Variants in PPARD observed in about 807,000 individuals in gnomAD.
PPARD encodes peroxisome proliferator activated receptor delta, also known as peroxisome proliferator-activated receptor delta.
A neutral mutation model predicts 39.5 loss-of-function variants in PPARD; 6 were observed. That is an observed-to-expected ratio of 0.15 (90% CI 0.08 to 0.30). The LOEUF (loss-of-function observed/expected upper bound fraction) is 0.30. Ranked by LOEUF, PPARD falls within the 10% of genes least tolerant of loss-of-function variation. The pLI is 1.00. For missense variants in PPARD, 397 were observed against 596.8 expected (o/e 0.67, Z 3.49); for synonymous variants, 210 against 231.3 (o/e 0.91, Z 0.83).
chr6:35,411,267 T>A, intron 3 of PPARD, 50 bp downstream of exon 3: 1 of 1,395,630 alleles, frequency 7.2e-7, no homozygotes, highest in Non-Finnish European at 9.4e-7. Flanking sequence ...CACAGCCCAG[T>A]GCAGTGGGGA....
At chr6:35,343,241 T>C (rs1267151560) in intron 1 of PPARD, among the ~76,000 whole-genome samples, 2 of 152,124 alleles carry the variant, frequency 1.3e-5, no homozygotes, top group Non-Finnish European at 2.9e-5. Context: ...CCTTCTTATC[T>C]GTGGTCTGAT....
intron 2 of PPARD, among the ~76,000 whole-genome samples, chr6:35,381,113 C>T (rs1474925529): frequency 6.6e-6 from 1 of 152,052 alleles, no homozygotes; most frequent in East Asian, 1.9e-4. Context: ...CTCTGTCCCT[C>T]ATCTTCTTTT....
intron 2 of PPARD, among the ~76,000 whole-genome samples, chr6:35,380,616 C>G (rs1250571181): frequency 1.3e-5 from 2 of 151,540 alleles, no homozygotes; most frequent in African/African-American, 2.4e-5. Context: ...CTCAGCCTCC[C>G]GAGTAGCTGG....
chr6:35,354,251 A>C (rs918718772), intron 2 of PPARD, among the ~76,000 whole-genome samples: 2 of 151,054 alleles, frequency 1.3e-5, no homozygotes, highest in Non-Finnish European at 3.0e-5. Context: ...AAAAAAAAAA[A>C]AAGCGATACA....
At chr6:35,353,050 G>A (rs1490160439) in intron 2 of PPARD, among the ~76,000 whole-genome samples, 2 of 152,220 alleles carry the variant, frequency 1.3e-5, no homozygotes, top group African/African-American at 4.8e-5. Flanking sequence ...CCTTATGTGA[G>A]GTAATGTGGT....
At chr6:35,355,552 TAA>T (rs1171537260) in intron 2 of PPARD, among the ~76,000 whole-genome samples, 2,200 of 59,378 alleles carry the variant, frequency 0.037, 88 homozygotes, top group African/African-American at 0.093. Context: ...GCCCTGTCTG[TAA>T]AAAAAAAAAA....
At chr6:35,378,676 G>C (rs924146046) in intron 2 of PPARD, among the ~76,000 whole-genome samples, 13 of 152,280 alleles carry the variant, frequency 8.5e-5, no homozygotes, top group Middle Eastern at 6.8e-3. Flanking sequence ...GTTGCTTTAG[G>C]AGTAGGTGAC....
chr6:35,425,302 T>C lies in PPARD; in HGVS notation c.1078+523T>C. 9.9e-7 allele frequency: 1 copy of C among 1,005,956 alleles called. No homozygotes were observed. The highest frequency in any genetic ancestry group is 1.2e-6 in the Non-Finnish European group (1 of 841,592). The allele number at this position is 1,005,956 out of a possible 1,614,324, so 62.3% of individuals were successfully genotyped here. A position where few individuals can be genotyped will look rare whatever the true frequency, so the allele number is the denominator to read the frequency against. ...AAAAAGGAAAAGGACTAACAGGCAG[T>C]ATGCTGTCATGTTAATGTGGGGTGG... On this transcript the variant is annotated intron_variant, in intron 7 of 7. Transcript: ENST00000360694. The surrounding 1 kb of genome is among the most constrained non-coding windows in gnomAD (Gnocchi z 4.5).
chr6:35,414,021 G>A (rs1268007991), intron 3 of PPARD, among the ~76,000 whole-genome samples: 3 of 152,012 alleles, frequency 2.0e-5, no homozygotes, highest in Non-Finnish European at 4.4e-5. Context: ...TTCTAGGAAC[G>A]TGTCCTGTGT....
rs536772300 is a variant in PPARD at position 35,404,180 on chromosome 6, A to C, written c.-101-6807A>C. Among the ~76,000 whole-genome samples, 24 of 152,314 alleles carry C rather than the reference A, an allele frequency of 1.6e-4. No homozygotes were observed. The East Asian group carries it at 4.6e-3, about 29-fold the overall frequency. Reference sequence around the variant, plus strand: ...TATGAGGCACACAGTAGAGTGGCTAAGACTTGAGCCAACCTGCCTTGACTC... The same window carrying C: ...TATGAGGCACACAGTAGAGTGGCTACGACTTGAGCCAACCTGCCTTGACTC... On this transcript the variant is annotated intron_variant, in intron 2 of 7. Coordinates refer to ENST00000360694, the MANE Select transcript of PPARD (RefSeq NM_006238.5).
chr6:35,424,550 G>A lies in PPARD; in HGVS notation c.849G>A (p.Lys283=). 4 of 1,614,240 alleles carry A rather than the reference G, an allele frequency of 2.5e-6. No individual in the cohort carries two copies. In the East Asian group the frequency reaches 8.9e-5, roughly 36 times the overall value. Residue 283 remains lysine (K), a synonymous_variant, in exon 7 of 8, where the codon AAG becomes AAA. Coordinates refer to ENST00000360694, the MANE Select transcript of PPARD (RefSeq NM_006238.5). The surrounding 1 kb of genome is among the most constrained non-coding windows in gnomAD (Gnocchi z 7.1). ...LFLNDQVTLL[K]YGVHEAIFAM... ...TCAACGACCAGGTTACCCTTCTCAA[G>A]TATGGCGTGCACGAGGCCATCTTCG...
rs760127887 is a variant in PPARD, at chr6:35,411,216, A to G, written c.129A>G (p.Thr43=). ...PQHALPSSSY[T]DLSRSSSPPS... is the part of the protein sequence containing the mutation. ...ATGCACTTCCTTCCAGCAGCTACAC[A>G]GGTGAGGAGAGGACTGGCAGGGGAC... Residue 43 remains threonine, a splice_region_variant and synonymous_variant, in exon 3 of 8, where the codon ACA becomes ACG. Transcript: ENST00000360694. 1 of 1,519,330 alleles carries G rather than the reference A, an allele frequency of 6.6e-7. No individual in the cohort carries two copies. The highest frequency in any genetic ancestry group is 8.9e-7 in the Non-Finnish European group (1 of 1,129,744). 94.1% of individuals were successfully genotyped at this position (1,519,330 alleles called of 1,614,324 possible).
intron 2 of PPARD, among the ~76,000 whole-genome samples, chr6:35,408,425 TG>T (rs1765199815): frequency 6.6e-6 from 1 of 152,194 alleles, no homozygotes; most frequent in Non-Finnish European, 1.5e-5. Context: ...CTGCCCCAGC[TG>T]CCACTTGGAG....
rs1408508832 is a variant in PPARD, at chr6:35,426,010, G to A, written c.1257G>A (p.Arg419=). Residue 419 remains arginine, a synonymous_variant, in exon 8 of 8, where the codon CGG becomes CGA. Coordinates refer to ENST00000360694, the MANE Select transcript of PPARD (RefSeq NM_006238.5). Reference sequence around the variant, plus strand: ...CCGAGCACGCCCAGATGATGCAGCGGATCAAGAAGACCGAAACCGAGACCT... The same window carrying A: ...CCGAGCACGCCCAGATGATGCAGCGAATCAAGAAGACCGAAACCGAGACCT... ...LVTEHAQMMQ[R]IKKTETETSL... 8 of 1,613,958 alleles carry A rather than the reference G, an allele frequency of 5.0e-6. No homozygotes were observed. The highest frequency in any genetic ancestry group is 3.3e-5 in the Admixed American group (2 of 60,008).
In PPARD at chr6:35,426,363, T is replaced by G; in HGVS notation, c.*284T>G. 2.1e-6 allele frequency: 1 copy of G among 485,866 alleles called. No individual in the cohort carries two copies. Among genetic ancestry groups the G allele is most frequent in the Non-Finnish European group, 3.7e-6 (1 of 270,018 alleles). 30.1% of individuals were successfully genotyped at this position (485,866 alleles called of 1,614,324 possible). The stretch of plus-strand genomic sequence containing the variant: ...TCTTCCTTTCTGTAGGTTTCTCTCT[T>G]CCCTTCTCCCTTGCCCTCCCTTTCT... On this transcript the variant is annotated 3_prime_UTR_variant, in exon 8 of 8. Transcript: ENST00000360694.
In PPARD at chr6:35,383,995, G is replaced by C. The variant is rs1763355328; in HGVS notation, c.-101-26992G>C. 2.1e-5 allele frequency among the ~76,000 whole-genome samples: 3 copies of C among 142,334 alleles called. No homozygotes were observed. The South Asian group carries it at 6.4e-4, about 31-fold the overall frequency. 93.4% of individuals were successfully genotyped at this position (142,334 alleles called of 152,430 possible). A position where few individuals can be genotyped will look rare whatever the true frequency, so the allele number is the denominator to read the frequency against. ...CCCCATCCGGGAGGGAGGTGGGGGG[G>C]TCAGCCCCACGCCCCGCCAGCCGCC... is the stretch of plus-strand genomic sequence containing the variant. On this transcript the variant is annotated intron_variant, in intron 2 of 7. Transcript: ENST00000360694.
At chr6:35,385,901 G>T (rs1763620895) in intron 2 of PPARD, among the ~76,000 whole-genome samples, 1 of 152,070 alleles carries the variant, frequency 6.6e-6, no homozygotes, top group South Asian at 2.1e-4. Context: ...AACAGAATGG[G>T]GTGGGGAGGG....
intron 3 of PPARD, 119 bp downstream of exon 3, chr6:35,411,336 T>C: frequency 8.0e-7 from 1 of 1,251,538 alleles, no homozygotes; most frequent in South Asian, 3.0e-5. Flanking sequence ...GCTGAAGGAC[T>C]GGAGCCGGAA....
At chr6:35,423,054 CAA>C (rs56317397) in intron 5 of PPARD, among the ~76,000 whole-genome samples, 12 of 71,718 alleles carry the variant, frequency 1.7e-4, no homozygotes, top group Admixed American at 7.7e-4. Context: ...CTCATCTCTA[CAA>C]AAAAAAAAAA....
Sources: gnomAD v4.1 joint callset for allele counts (sites outside exome capture counted in the v4.1 genomes callset) on GRCh38, gnomAD v4.1.1 for gene constraint, Gnocchi (gnomAD v3.1) non-coding constraint, MANE v1.5 for transcripts, NCBI Gene and HGNC (gene_info 2026-07-23, HGNC 2026-07-21) for gene names.